Variants in KCP observed in about 807,000 individuals in gnomAD.
KCP encodes the protein kielin/chordin-like protein.
In KCP, 194 loss-of-function variants were observed where a neutral mutation model predicts 212.7. That is an observed-to-expected ratio of 0.91 (90% confidence interval 0.81 to 1.03). The LOEUF is 1.03. KCP is among the 50% of genes least tolerant of loss of function. The pLI, the probability that KCP is intolerant of heterozygous loss-of-function variation, is 0.00. For synonymous variants in KCP, 833 were observed against 865.3 expected (o/e 0.96, Z 0.65); for missense variants, 2,080 against 2,162.5 (o/e 0.96, Z 0.76).
rs1220769881 is a variant in KCP, at chr7:128,891,483, G to C, written c.1846C>G (p.Pro616Ala). 2.6e-6 allele frequency: 4 copies of C among 1,550,384 alleles called. No homozygotes were observed. In the South Asian group the frequency reaches 3.6e-5, roughly 14 times the overall value. ...CGACACAGACGGCAGGGGTCAGAGG[G>C]GTGGGGGAAGTCCGCTCCGCTGGGG... ...EYPSGADFPH[P>A]SDPCRLCRCL... The change falls in exon 18 of 40, where the codon CCC (proline) becomes GCC (alanine). Residue 616 changes from proline (P) to alanine (A), a missense_variant. Pro to Ala is a conservative substitution (Grantham distance 27). Transcript: ENST00000610776.
At position 128,881,817 on chromosome 7, in the gene KCP, G is replaced by C. The variant is rs1207166675; in HGVS notation, c.3325-92C>G. On this transcript the variant is annotated intron_variant, in intron 30 of 39. Coordinates refer to ENST00000610776, the MANE Select transcript of KCP (RefSeq NM_001366122.1). ...AGGCAGGATGTGACAGTCAGGACAA[G>C]TGGGCAAATGTCAGGGCGAATGGAG... 2.9e-6 allele frequency: 4 copies of C among 1,378,350 alleles called. No homozygotes were observed. In the African/African-American group the frequency reaches 5.8e-5, roughly 20 times the overall value. 85.4% of individuals were successfully genotyped at this position (1,378,350 alleles called of 1,614,324 possible).
chr7:128,888,956 C>G lies in KCP; in HGVS notation c.2419G>C (p.Gly807Arg). Residue 807 changes from glycine to arginine, a missense_variant, in exon 22 of 40, where the codon GGA becomes CGA. By Grantham distance (125) the Gly-to-Arg change is moderately radical. Coordinates refer to ENST00000610776, the MANE Select transcript of KCP (RefSeq NM_001366122.1). ...CGGCGGCCGCAGGTCACGAAGCCTC[C>G]AAGACAGGTACACAGGTTGCAGGGT... ...REPCNLCTCL[G>R]GFVTCGRRPC... 6.5e-7 allele frequency: 1 copy of G among 1,549,788 alleles called. No homozygotes were observed.
chr7:128,883,756 C>T (rs1793472225), intron 29 of KCP, among the ~76,000 whole-genome samples: 1 of 152,370 alleles, frequency 6.6e-6, no homozygotes, highest in East Asian at 1.9e-4. Flanking sequence ...GCACAACTGT[C>T]GCCCTGCAGC....
intron 8 of KCP, among the ~76,000 whole-genome samples, chr7:128,901,812 G>T (rs1794864532): frequency 6.6e-6 from 1 of 152,152 alleles, no homozygotes; most frequent in Non-Finnish European, 1.5e-5. Context: ...AAGCTGTCAG[G>T]AAGCTCCCAT....
chr7:128,908,489 C>A lies in KCP; in HGVS notation c.156G>T (p.Gln52His), dbSNP rs371091436. ...SSVLAGNSQE[Q>H]WHPLREWLGR... ...CCAGCCACTCTCGCAGGGGGTGCCA[C>A]TGCTCCTGGGAGTTCCCAGCAAGGA... The change falls in exon 2 of 40, where the codon CAG becomes CAT. Residue 52 changes from glutamine to histidine, a missense_variant. Transcript: ENST00000610776. The A allele has an allele frequency of 2.4e-5, 38 of 1,552,050 alleles. No homozygotes were observed. The African/African-American group carries it at 5.1e-4, about 21-fold the overall frequency.
At chr7:128,904,304 C>T (rs1434488798) in intron 5 of KCP, 166 bp from the exon 6 acceptor site, 3 of 1,552,512 alleles carry the variant, frequency 1.9e-6, no homozygotes, top group Non-Finnish European at 2.6e-6. Flanking sequence ...GATGGGGCAG[C>T]ACTCCCCAGG....
Position 128,882,023 on chromosome 7 carries a change from A to G in KCP, c.3245-7T>C. 6.5e-7 allele frequency: 1 copy of G among 1,549,956 alleles called. No individual in the cohort carries two copies. The highest frequency in any genetic ancestry group is 1.2e-5 in the South Asian group (1 of 84,022). ...GAACAGTTACTCAAGGCCTCTGTGAAGACAAGAATCCAGAGTGCGGGACAG... is the reference window on the plus strand; with the variant it reads ...GAACAGTTACTCAAGGCCTCTGTGAGGACAAGAATCCAGAGTGCGGGACAG... On this transcript the variant is annotated splice_polypyrimidine_tract_variant and splice_region_variant and intron_variant, in intron 29 of 39. Coordinates refer to ENST00000610776, the MANE Select transcript of KCP (RefSeq NM_001366122.1).
rs138503305 is a variant in KCP at position 128,894,878 on chromosome 7, G to T, written c.832-585C>A. ...CTGTCTTGGTCTCCCAAAGTGCTGG[G>T]TTTACAGGTGTGAGCCACTGTTCCA... On this transcript the variant is annotated intron_variant, in intron 8 of 39. Transcript: ENST00000610776. Among the ~76,000 whole-genome samples the T allele has an allele frequency of 1.8e-3, 275 of 152,284 alleles. 5 individuals carry two copies. The East Asian group carries it at 0.041, about 23-fold the overall frequency.
Position 128,891,711 on chromosome 7 carries a change from C to G in KCP, c.1730G>C (p.Arg577Pro). Residue 577 changes from arginine to proline, a missense_variant, in exon 17 of 40, where the codon CGC becomes CCC. Coordinates refer to ENST00000610776, the MANE Select transcript of KCP (RefSeq NM_001366122.1). ...GGCACAGGGGGCCCTGGGGCAGGGGCGAGGCTGGCAGTGGGCATGGCCTTC... is the reference window on the plus strand; with the variant it reads ...GGCACAGGGGGCCCTGGGGCAGGGGGGAGGCTGGCAGTGGGCATGGCCTTC... ...CQEGHAHCQP[R>P]PCPRAPCAHP... 6.9e-7 allele frequency: 1 copy of G among 1,448,244 alleles called. No homozygotes were observed. 89.7% of individuals were successfully genotyped at this position (1,448,244 alleles called of 1,614,324 possible). A position where few individuals can be genotyped will look rare whatever the true frequency, so the allele number is the denominator to read the frequency against.
chr7:128,889,551 A>C (rs779820267), intron 21 of KCP, among the ~76,000 whole-genome samples: 16 of 152,262 alleles, frequency 1.1e-4, no homozygotes, highest in Non-Finnish European at 1.5e-5. Flanking sequence ...TCAGGCTCAA[A>C]GCCTTGGTGG....
At position 128,877,299 on chromosome 7, in the gene KCP, G is replaced by A. The variant is rs1793048203; in HGVS notation, c.4631C>T (p.Pro1544Leu). The A allele has an allele frequency of 2.0e-6, 3 of 1,517,876 alleles. No homozygotes were observed. The highest frequency in any genetic ancestry group is 2.4e-5 in the Admixed American group (1 of 41,170). The allele number at this position is 1,517,876 out of a possible 1,614,324, so 94.0% of individuals were successfully genotyped here. The change falls in exon 40 of 40, where the codon CCC (proline) becomes CTC (leucine). Residue 1544 changes from proline to leucine, a missense_variant. Coordinates refer to ENST00000610776, the MANE Select transcript of KCP (RefSeq NM_001366122.1). ...ATCAAACACGAAGCCACGCTCCAGG[G>A]GGCAGCCTACCACTGCAGGGGGAGT... Reference protein sequence around the residue: ...RGPTLCVVGCPLERGFVFDEC... With the variant: ...RGPTLCVVGCLLERGFVFDEC...
In KCP at chr7:128,881,061, C is replaced by T. The variant is rs1234530713; in HGVS notation, c.3449G>A (p.Arg1150Gln). ...CRECVVEAEG[R>Q]RVADGESWRD... ...CCAGCTCTCTCCATCTGCCACTCTC[C>T]GGCCCTCGGCCTCCACCACACATTC... Residue 1150 changes from arginine (R) to glutamine (Q), a missense_variant, in exon 32 of 40, where the codon CGG becomes CAG. Arg to Gln is a conservative substitution (Grantham distance 43). Coordinates refer to ENST00000610776, the MANE Select transcript of KCP (RefSeq NM_001366122.1). 3.0e-5 allele frequency: 12 copies of T among 398,824 alleles called. No individual in the cohort carries two copies. The highest frequency in any genetic ancestry group is 6.2e-5 in the African/African-American group (3 of 48,658). 24.7% of individuals were successfully genotyped at this position (398,824 alleles called of 1,614,324 possible). A position where few individuals can be genotyped will look rare whatever the true frequency, so the allele number is the denominator to read the frequency against.
chr7:128,904,221 T>G, intron 5 of KCP, 83 bp from the exon 6 acceptor site: 1 of 1,513,798 alleles, frequency 6.6e-7, no homozygotes, highest in Non-Finnish European at 9.0e-7. Context: ...TGACCCCAAG[T>G]AGGTACTGGA....
Position 128,886,969 on chromosome 7 carries a change from G to C in KCP, c.2599-3C>G. Reference sequence around the variant, plus strand: ...TTCTGGCAGCGCATGGAACCTTCCTGGGGGAGAGAGGCCCATCACACCCTC... The same window carrying C: ...TTCTGGCAGCGCATGGAACCTTCCTCGGGGAGAGAGGCCCATCACACCCTC... On this transcript the variant is annotated splice_polypyrimidine_tract_variant and splice_region_variant and intron_variant, in intron 23 of 39. Coordinates refer to ENST00000610776, the MANE Select transcript of KCP (RefSeq NM_001366122.1). 1.4e-6 allele frequency: 2 copies of C among 1,450,688 alleles called. No homozygotes were observed. The highest frequency in any genetic ancestry group is 1.9e-6 in the Non-Finnish European group (2 of 1,059,034). 89.9% of individuals were successfully genotyped at this position (1,450,688 alleles called of 1,614,324 possible).
intron 22 of KCP, among the ~76,000 whole-genome samples, chr7:128,888,351 C>CAT (rs1793851662): frequency 6.8e-6 from 1 of 146,126 alleles, no homozygotes; most frequent in Non-Finnish European, 1.5e-5. Flanking sequence ...CACACACATA[C>CAT]ACAGATACAC....
chr7:128,885,379 G>T, intron 26 of KCP, 109 bp from the exon 27 acceptor site: 1 of 1,148,578 alleles, frequency 8.7e-7, no homozygotes, highest in Non-Finnish European at 1.2e-6. Context: ...GAGTGAGTTT[G>T]CAGGGATATG....
chr7:128,880,310 G>A, intron 34 of KCP, 76 bp downstream of exon 34: 3 of 1,447,500 alleles, frequency 2.1e-6, no homozygotes. Flanking sequence ...CCTCTCTGAT[G>A]CCTGGTCACA....
At chr7:128,886,627 A>C in intron 25 of KCP, 28 bp downstream of exon 25, 1 of 1,550,726 alleles carries the variant, frequency 6.4e-7, no homozygotes. Context: ...TCCAGCTGTC[A>C]CTCCACACCC....
chr7:128,896,248 C>A (rs1010551917), intron 8 of KCP, among the ~76,000 whole-genome samples: 2 of 152,060 alleles, frequency 1.3e-5, no homozygotes, highest in Admixed American at 1.3e-4. Context: ...TGCATATACC[C>A]GGGTAAATAA....
Sources: allele counts gnomAD v4.1 joint callset (sites outside exome capture counted in the v4.1 genomes callset), GRCh38; gene constraint gnomAD v4.1.1; transcripts MANE v1.5; gene names NCBI Gene and HGNC (gene_info 2026-07-23, HGNC 2026-07-21).